TSPAN3: variants seen among roughly 807,000 people sequenced by gnomAD.
The protein encoded by TSPAN3 is tetraspanin 3, also known as tetraspanin-3.
In TSPAN3, 9 loss-of-function variants were observed where a neutral mutation model predicts 31.1. That is an observed-to-expected ratio of 0.29 (90% confidence interval 0.17 to 0.50). TSPAN3 has a LOEUF of 0.50. Among genes scored for constraint, TSPAN3 ranks in the 20% least tolerant of loss-of-function variants. The probability of loss-of-function intolerance (pLI) is 0.98; values close to 1 mark genes in which losing one functional copy is unlikely to be tolerated. For missense variants in TSPAN3, 252 were observed against 313.5 expected, an observed-to-expected ratio of 0.80 and a Z score of 1.48; for synonymous variants, 129 against 114.3, an observed-to-expected ratio of 1.13 and a Z score of -0.82.
chr15:77,070,893 CAGA>C lies in TSPAN3; in HGVS notation c.59_61del (p.Phe20del). 1 of 1,399,818 alleles carries C rather than the reference CAGA, an allele frequency of 7.1e-7. No individual in the cohort carries two copies. The highest frequency in any genetic ancestry group is 9.4e-7 in the Non-Finnish European group (1 of 1,063,846). The allele number at this position is 1,399,818 out of a possible 1,614,324, so 86.7% of individuals were successfully genotyped here. A position where few individuals can be genotyped will look rare whatever the true frequency, so the allele number is the denominator to read the frequency against. On this transcript the variant is annotated inframe_deletion and splice_region_variant, in exon 1 of 7. Coordinates refer to ENST00000267970, the MANE Select transcript of TSPAN3 (RefSeq NM_005724.6). ...CTCGCTCTGCCCGGCCCCGCTCACC[CAGA>C]AGATGAGGTTGAGAAAGACCAGCAC...
At chr15:77,057,823 T>C (rs2076777149) in intron 1 of TSPAN3, among the ~76,000 whole-genome samples, 1 of 152,162 alleles carries the variant, frequency 6.6e-6, no homozygotes, top group African/African-American at 2.4e-5. Context: ...TGTAGCTCAC[T>C]ACCTGAGCTA....
chr15:77,052,367 T>G lies in TSPAN3; in HGVS notation c.669+18A>C. On this transcript the variant is annotated intron_variant, in intron 6 of 6. Coordinates refer to ENST00000267970, the MANE Select transcript of TSPAN3 (RefSeq NM_005724.6). Reference sequence around the variant, plus strand: ...AACCAACTCACTCCGATAGAACTCCTTGGCAAGCTGTGCTTACCTGAATAG... The same window carrying G: ...AACCAACTCACTCCGATAGAACTCCGTGGCAAGCTGTGCTTACCTGAATAG... 1 of 1,612,940 alleles carries G rather than the reference T, an allele frequency of 6.2e-7. No individual in the cohort carries two copies. Among genetic ancestry groups the G allele is most frequent in the Non-Finnish European group, 8.5e-7 (1 of 1,178,868 alleles).
At chr15:77,064,000 C>G (rs978322260) in intron 1 of TSPAN3, 2 of 152,188 alleles carry the variant, frequency 1.3e-5, no homozygotes, top group African/African-American at 4.8e-5. Flanking sequence ...TTCATCCACA[C>G]TTGGGTTATG....
chr15:77,069,237 T>C (rs932518283), intron 1 of TSPAN3, among the ~76,000 whole-genome samples: 3 of 152,212 alleles, frequency 2.0e-5, no homozygotes, highest in African/African-American at 7.2e-5. Flanking sequence ...CATTGTAGAA[T>C]ACATTTCTCT....
intron 1 of TSPAN3, among the ~76,000 whole-genome samples, chr15:77,065,175 A>T (rs968830441): frequency 3.9e-5 from 6 of 152,194 alleles, no homozygotes; most frequent in Non-Finnish European, 5.9e-5. Flanking sequence ...AACATAAAGC[A>T]CGACCCAATC....
At chr15:77,050,686 G>C (rs554433330) in intron 6 of TSPAN3, among the ~76,000 whole-genome samples, 28 of 152,292 alleles carry the variant, frequency 1.8e-4, no homozygotes, top group Non-Finnish European at 2.9e-4. Flanking sequence ...GCACAGTTCA[G>C]AATTCTATTT....
intron 1 of TSPAN3, among the ~76,000 whole-genome samples, chr15:77,065,450 G>A (rs144206645): frequency 0.017 from 2,634 of 152,178 alleles, 84 homozygotes; most frequent in African/African-American, 0.06. Context: ...ATTTTGAGAT[G>A]GAGTCTCGCT....
intron 1 of TSPAN3, among the ~76,000 whole-genome samples, chr15:77,067,143 T>C (rs576497998): frequency 8.5e-5 from 13 of 152,198 alleles, no homozygotes; most frequent in African/African-American, 2.6e-4. Flanking sequence ...TACGGCCACA[T>C]TGGGGATTCA....
rs149387576 is a variant in TSPAN3 at position 77,053,085 on chromosome 15, G to A, written c.433-156C>T. The stretch of plus-strand genomic sequence containing the variant: ...GCATGATCCAATATAGCAGCCACTA[G>A]CCACATGAAGCTCTACTGAGCACTT... On this transcript the variant is annotated intron_variant, in intron 4 of 6. Coordinates refer to ENST00000267970, the MANE Select transcript of TSPAN3 (RefSeq NM_005724.6). Among the ~76,000 whole-genome samples the A allele has an allele frequency of 2.5e-3, 375 of 152,304 alleles. 2 individuals are homozygous for A. The highest frequency in any genetic ancestry group is 4.0e-3 in the Non-Finnish European group (272 of 68,034).
intron 6 of TSPAN3, among the ~76,000 whole-genome samples, chr15:77,048,409 C>A (rs1485125480): frequency 6.7e-6 from 1 of 149,564 alleles, no homozygotes; most frequent in Non-Finnish European, 1.5e-5. Context: ...TGGTTAACTT[C>A]TATTAGAGAA....
rs2076691671 is a variant in TSPAN3, at chr15:77,046,460, G to A, written c.*375C>T. Reference sequence around the variant, plus strand: ...CCTCCCCGCAAAAACCTTTGGCCAAGAGTTCTCCACTGTGAAGACTGAAAG... The same window carrying A: ...CCTCCCCGCAAAAACCTTTGGCCAAAAGTTCTCCACTGTGAAGACTGAAAG... On this transcript the variant is annotated 3_prime_UTR_variant, in exon 7 of 7. Coordinates refer to ENST00000267970, the MANE Select transcript of TSPAN3 (RefSeq NM_005724.6). The A allele has an allele frequency of 9.9e-6, 4 of 406,014 alleles. No homozygotes were observed. The highest frequency in any genetic ancestry group is 1.7e-5 in the Non-Finnish European group (4 of 229,912). 25.2% of individuals were successfully genotyped at this position (406,014 alleles called of 1,614,324 possible).
At chr15:77,058,297 G>C (rs2076780685) in intron 1 of TSPAN3, among the ~76,000 whole-genome samples, 1 of 152,140 alleles carries the variant, frequency 6.6e-6, no homozygotes, top group Non-Finnish European at 1.5e-5. Flanking sequence ...CTCCTTTTCA[G>C]CCCCAGATCT....
intron 1 of TSPAN3, among the ~76,000 whole-genome samples, chr15:77,056,949 A>G (rs149443904): frequency 6.6e-6 from 1 of 152,358 alleles, no homozygotes; most frequent in Non-Finnish European, 1.5e-5. Context: ...GAGGAGCCTG[A>G]GAGTCTGCAT....
In TSPAN3 at chr15:77,045,671, C is replaced by T. The variant is rs1417708493; in HGVS notation, c.*1164G>A. On this transcript the variant is annotated 3_prime_UTR_variant, in exon 7 of 7. Transcript: ENST00000267970. ...CTTGGGCATCTCCTCCAGGAAGTCA[C>T]CCCTGACCTCTCCGGAACTCCCCTT... is the stretch of plus-strand genomic sequence containing the variant. The T allele has an allele frequency of 2.0e-5, 3 of 152,422 alleles. No individual in the cohort carries two copies. The highest frequency in any genetic ancestry group is 2.9e-5 in the Non-Finnish European group (2 of 68,204). The allele number at this position is 152,422 out of a possible 1,614,324, so 9.4% of individuals were successfully genotyped here. A position where few individuals can be genotyped will look rare whatever the true frequency, so the allele number is the denominator to read the frequency against.
intron 1 of TSPAN3, chr15:77,068,029 T>C (rs887383575): frequency 6.6e-6 from 1 of 152,240 alleles, no homozygotes; most frequent in Non-Finnish European, 1.5e-5. Flanking sequence ...ATGGGAAAGC[T>C]GTGAGGATAT....
chr15:77,045,227 C>A lies in TSPAN3; in HGVS notation c.*1608G>T, dbSNP rs913154536. ...ATCCTAGATGAGTCTTCTCTTCTCC[C>A]TTCTCTGTCCCACGTCCAATCAATG... On this transcript the variant is annotated 3_prime_UTR_variant, in exon 7 of 7. Coordinates refer to ENST00000267970, the MANE Select transcript of TSPAN3 (RefSeq NM_005724.6). 6.6e-6 allele frequency: 1 copy of A among 152,332 alleles called. No individual in the cohort carries two copies. Among genetic ancestry groups the A allele is most frequent in the Non-Finnish European group, 1.5e-5 (1 of 68,134 alleles). 9.4% of individuals were successfully genotyped at this position (152,332 alleles called of 1,614,324 possible).
Position 77,045,091 on chromosome 15 carries a change from A to C in TSPAN3, c.*1744T>G, listed in dbSNP as rs2076682109. 1 of 151,902 alleles carries C rather than the reference A, an allele frequency of 6.6e-6. No individual in the cohort carries two copies. Among genetic ancestry groups the C allele is most frequent in the African/African-American group, 2.4e-5 (1 of 41,324 alleles). The allele number at this position is 151,902 out of a possible 1,614,324, so 9.4% of individuals were successfully genotyped here. On this transcript the variant is annotated 3_prime_UTR_variant, in exon 7 of 7. Transcript: ENST00000267970. ...CTGCATGATATTTGGGCATCTCAAA[A>C]CTGACGAGCCCAAAACTGACCATGA... is the stretch of plus-strand genomic sequence containing the variant.
intron 1 of TSPAN3, among the ~76,000 whole-genome samples, chr15:77,059,380 C>T (rs2076787423): frequency 6.6e-6 from 1 of 152,182 alleles, no homozygotes; most frequent in Non-Finnish European, 1.5e-5. Context: ...TTGCGCCTGG[C>T]CAGACATAGC....
intron 1 of TSPAN3, among the ~76,000 whole-genome samples, chr15:77,059,497 T>C (rs2076788173): frequency 6.6e-6 from 1 of 152,214 alleles, no homozygotes; most frequent in Non-Finnish European, 1.5e-5. Flanking sequence ...TTCACACACA[T>C]GTACACACAC....
Sources: allele counts gnomAD v4.1 joint callset (sites outside exome capture counted in the v4.1 genomes callset), GRCh38; gene constraint gnomAD v4.1.1; transcripts MANE v1.5; gene names NCBI Gene and HGNC (gene_info 2026-07-23, HGNC 2026-07-21).